Variants in C1orf159 observed in about 807,000 individuals in gnomAD.
C1orf159 encodes the protein chromosome 1 open reading frame 159, also known as uncharacterized protein C1orf159.
Under a neutral mutation model 25.6 loss-of-function variants are expected in C1orf159, and 19 were observed. The observed-to-expected ratio is 0.74, with a 90% CI of 0.52 to 1.09. C1orf159 has a LOEUF of 1.09. Among genes scored for constraint, C1orf159 ranks in the 50% least tolerant of loss-of-function variants. The pLI is 0.00. For missense variants in C1orf159, 274 were observed against 290.6 expected (o/e 0.94, Z 0.42); for synonymous variants, 139 against 124.7 (o/e 1.12, Z -0.77).
chr1:1,082,079 G>A lies in C1orf159; in HGVS notation c.*814C>T, dbSNP rs1033019837. 6.6e-6 allele frequency: 1 copy of A among 152,416 alleles called. No homozygotes were observed. Among genetic ancestry groups the A allele is most frequent in the African/African-American group, 2.4e-5 (1 of 41,470 alleles). The allele number at this position is 152,416 out of a possible 1,614,324, so 9.4% of individuals were successfully genotyped here. A position where few individuals can be genotyped will look rare whatever the true frequency, so the allele number is the denominator to read the frequency against. ...ACGGCGCCTTTCTCCCAGGAACTCC[G>A]GGAGGGACCCCAGGACTCAGCGCCA... On this transcript the variant is annotated 3_prime_UTR_variant, in exon 10 of 10. Transcript: ENST00000421241.
chr1:1,094,427 T>TG (rs1408163510), intron 1 of C1orf159, among the ~76,000 whole-genome samples: 1 of 150,902 alleles, frequency 6.6e-6, no homozygotes, highest in African/African-American at 2.4e-5. Context: ...TTTTTTGAAT[T>TG]GGAGTCTCTG....
intron 1 of C1orf159, among the ~76,000 whole-genome samples, chr1:1,095,565 GT>G: frequency 6.6e-6 from 1 of 152,202 alleles, no homozygotes; most frequent in Non-Finnish European, 1.5e-5. Flanking sequence ...GCAATTCTCT[GT>G]AGCTTTCTTA....
intron 4 of C1orf159, among the ~76,000 whole-genome samples, 179 bp downstream of exon 4, chr1:1,090,174 G>A (rs773547372): frequency 1.3e-5 from 2 of 152,196 alleles, no homozygotes; most frequent in Non-Finnish European, 2.9e-5. Context: ...AAGGCCGCCC[G>A]CCAGAAAGGA....
chr1:1,085,876 A>C lies in C1orf159; in HGVS notation c.445+2T>G. On this transcript the variant is annotated splice_donor_variant, in intron 7 of 9. Transcript: ENST00000421241. LOFTEE classifies it high-confidence loss of function. ...TGGGGCAGGTGCTGGTCCGGGAGAT[A>C]CCTTTGTTTCTTCTGTAGCAGGCCC... 6.2e-7 allele frequency: 1 copy of C among 1,612,966 alleles called. No homozygotes were observed. The highest frequency in any genetic ancestry group is 1.1e-5 in the South Asian group (1 of 91,068).
intron 1 of C1orf159, among the ~76,000 whole-genome samples, chr1:1,101,147 T>C (rs1423122293): frequency 6.6e-6 from 1 of 152,212 alleles, no homozygotes; most frequent in East Asian, 1.9e-4. Context: ...TCTATGCTTT[T>C]TTTTTCTTTC....
At chr1:1,083,687 G>T (rs548058700) in intron 9 of C1orf159, 2 of 570,728 alleles carry the variant, frequency 3.5e-6, no homozygotes, top group Non-Finnish European at 6.2e-6. Context: ...CTCGGGCACC[G>T]TGGGGTCTGC....
chr1:1,090,861 G>C (rs1050650571), intron 3 of C1orf159: 39 of 1,545,158 alleles, frequency 2.5e-5, no homozygotes, highest in Non-Finnish European at 3.2e-5. Context: ...AGGTGCGCTG[G>C]GTGCTGGCAC....
Position 1,087,697 on chromosome 1 carries a change from A to G in C1orf159, c.149-100T>C. The G allele has an allele frequency of 1.1e-6, 1 of 891,664 alleles. No homozygotes were observed. The highest frequency in any genetic ancestry group is 1.7e-6 in the Non-Finnish European group (1 of 582,310). 55.2% of individuals were successfully genotyped at this position (891,664 alleles called of 1,614,324 possible). On this transcript the variant is annotated intron_variant, in intron 4 of 9. Transcript: ENST00000421241. This position sits in a 1 kb window ranked among gnomAD's most constrained non-coding sequence, Gnocchi z 8.3. ...TATTTGAGTTGGTGAGATAACTTTC[A>G]TTCCAGATACTAACATGCTCTGGAG...
At position 1,082,974 on chromosome 1, in the gene C1orf159, G is replaced by C. The variant is rs746930079; in HGVS notation, c.516C>G (p.Arg172=). The change falls in exon 10 of 10, where the codon CGC becomes CGG. Residue 172 remains arginine (R), a synonymous_variant. Coordinates refer to ENST00000421241, the MANE Select transcript of C1orf159 (RefSeq NM_017891.5). ...CCAGGGGCCGCTCCCGCCTGACGTA[G>C]CGCGGCTTCCGTACTGAAACGGGTC... is the stretch of plus-strand genomic sequence containing the variant. ...PPPQSSVRKP[R]YVRRERPLDR... 7 of 1,600,114 alleles carry C rather than the reference G, an allele frequency of 4.4e-6. No individual in the cohort carries two copies. In the African/African-American group the frequency reaches 9.4e-5, roughly 21 times the overall value.
At chr1:1,104,318 C>G (rs1334650607) in intron 1 of C1orf159, among the ~76,000 whole-genome samples, 1 of 152,216 alleles carries the variant, frequency 6.6e-6, no homozygotes, top group Non-Finnish European at 1.5e-5. Flanking sequence ...GTGCGTTAGT[C>G]ACCCCACACT....
intron 1 of C1orf159, among the ~76,000 whole-genome samples, chr1:1,097,347 C>T (rs778064118): frequency 3.3e-5 from 5 of 152,072 alleles, no homozygotes; most frequent in African/African-American, 4.8e-5. Flanking sequence ...TCAAGTGATC[C>T]GCCCACCTTG....
At chr1:1,091,744 C>CG in intron 2 of C1orf159, 179 bp from the exon 3 acceptor site, 1 of 71,268 alleles carries the variant, frequency 1.4e-5, no homozygotes, top group East Asian at 6.8e-4. Flanking sequence ...TGGAAGTGGG[C>CG]GGGGCTGTGG....
chr1:1,097,983 G>C (rs566121528), intron 1 of C1orf159, among the ~76,000 whole-genome samples: 1 of 152,072 alleles, frequency 6.6e-6, no homozygotes, highest in Admixed American at 6.5e-5. Context: ...TATTGCTTTA[G>C]CTACACCAAC....
At chr1:1,085,780 G>C (rs1369436919) in intron 7 of C1orf159, 98 bp downstream of exon 7, 2 of 1,466,188 alleles carry the variant, frequency 1.4e-6, no homozygotes, top group Middle Eastern at 2.0e-4. Flanking sequence ...CTGCCAGCCT[G>C]CTCTGGCCTG....
intron 1 of C1orf159, among the ~76,000 whole-genome samples, chr1:1,101,661 G>A (rs887642183): frequency 3.9e-5 from 6 of 152,046 alleles, no homozygotes; most frequent in South Asian, 4.2e-4. Context: ...ACAGTCTGTC[G>A]GCTCACGGTC....
At chr1:1,088,009 C>T (rs905236805) in intron 4 of C1orf159, among the ~76,000 whole-genome samples, 2 of 151,902 alleles carry the variant, frequency 1.3e-5, no homozygotes, top group African/African-American at 2.4e-5. Context: ...GAGTGGTAGG[C>T]GGCAGCATCC....
At position 1,087,020 on chromosome 1, in the gene C1orf159, C is replaced by A; in HGVS notation, c.310+119G>T. On this transcript the variant is annotated intron_variant, in intron 6 of 9. Transcript: ENST00000421241. This position sits in a 1 kb window ranked among gnomAD's most constrained non-coding sequence, Gnocchi z 8.3. ...CAGGGGCTGCCACGCTCCCCTCTGG[C>A]TGTTTTGCAGAACCCTGAGCCTGCT... The A allele has an allele frequency of 9.5e-7, 1 of 1,047,824 alleles. No individual in the cohort carries two copies. Among genetic ancestry groups the A allele is most frequent in the South Asian group, 1.4e-5 (1 of 71,328 alleles). The allele number at this position is 1,047,824 out of a possible 1,614,324, so 64.9% of individuals were successfully genotyped here.
intron 1 of C1orf159, among the ~76,000 whole-genome samples, chr1:1,102,877 T>G (rs978674842): frequency 1.3e-5 from 2 of 151,862 alleles, no homozygotes; most frequent in African/African-American, 4.8e-5. Context: ...AGCCCCAGGC[T>G]GGAGTGCAGT....
At position 1,087,230 on chromosome 1, in the gene C1orf159, G is replaced by A; in HGVS notation, c.245-26C>T. 6.3e-7 allele frequency: 1 copy of A among 1,593,498 alleles called. No individual in the cohort carries two copies. Among genetic ancestry groups the A allele is most frequent in the Non-Finnish European group, 8.5e-7 (1 of 1,170,278 alleles). ...CTGTGGGATAGCAGAACTGTGGGAA[G>A]CCTGTGTGCACGGAGCCCACGGGGA... On this transcript the variant is annotated intron_variant, in intron 5 of 9. Coordinates refer to ENST00000421241, the MANE Select transcript of C1orf159 (RefSeq NM_017891.5). This position sits in a 1 kb window ranked among gnomAD's most constrained non-coding sequence, Gnocchi z 8.3.
Sources: allele counts gnomAD v4.1 joint callset (sites outside exome capture counted in the v4.1 genomes callset), GRCh38; gene constraint gnomAD v4.1.1; non-coding constraint Gnocchi (gnomAD v3.1); transcripts MANE v1.5; gene names NCBI Gene and HGNC (gene_info 2026-07-23, HGNC 2026-07-21).